The following CSMD1 variants were observed in gnomAD, a reference collection of about 807,000 sequenced individuals.
The protein encoded by CSMD1 is CUB and sushi domain-containing protein 1.
Under a neutral mutation model 417.5 loss-of-function variants are expected in CSMD1, and 213 were observed. The observed-to-expected ratio is 0.51, with a 90% confidence interval of 0.46 to 0.57. The LOEUF is 0.57. Ranked by LOEUF, CSMD1 falls within the 20% of genes least tolerant of loss-of-function variation. The pLI is 0.00. For synonymous variants in CSMD1, 2,862 were observed against 1,736.8 expected, an observed-to-expected ratio of 1.65 and a Z score of -16.11; for missense variants, 6,923 against 4,529.7, an observed-to-expected ratio of 1.53 and a Z score of -15.17.
intron 3 of CSMD1, among the ~76,000 whole-genome samples, chr8:4,184,841 A>G (rs1388860715): frequency 1.3e-5 from 2 of 152,066 alleles, no homozygotes; most frequent in African/African-American, 4.8e-5. Flanking sequence ...TGAATTTAAA[A>G]TACCCCAACA....
At chr8:3,443,879 C>G (rs1384130726) in intron 12 of CSMD1, among the ~76,000 whole-genome samples, 1 of 152,104 alleles carries the variant, frequency 6.6e-6, no homozygotes, top group African/African-American at 2.4e-5. Context: ...AAATTTTTCA[C>G]GTCTGTGTTG....
intron 54 of CSMD1, among the ~76,000 whole-genome samples, chr8:2,996,739 G>A (rs975312524): frequency 6.6e-6 from 1 of 152,150 alleles, no homozygotes; most frequent in Non-Finnish European, 1.5e-5. Flanking sequence ...CTTATTTCTC[G>A]TGATTGTGAA....
At chr8:3,861,735 A>G (rs996167393) in intron 5 of CSMD1, among the ~76,000 whole-genome samples, 1 of 152,170 alleles carries the variant, frequency 6.6e-6, no homozygotes, top group African/African-American at 2.4e-5. Flanking sequence ...TCTGCTATAA[A>G]GATTTTACCA....
intron 2 of CSMD1, among the ~76,000 whole-genome samples, chr8:4,553,312 T>C (rs916725314): frequency 1.3e-5 from 2 of 152,210 alleles, no homozygotes; most frequent in Non-Finnish European, 2.9e-5. Flanking sequence ...CAGCTCTGGG[T>C]AAAAGTGCTT....
intron 1 of CSMD1, among the ~76,000 whole-genome samples, chr8:4,718,719 G>C (rs1456592929): frequency 2.6e-5 from 4 of 151,788 alleles, no homozygotes; most frequent in Non-Finnish European, 4.4e-5. Flanking sequence ...TATCATAAAA[G>C]ACTAGTTTTT....
intron 3 of CSMD1, among the ~76,000 whole-genome samples, chr8:4,298,071 C>A (rs11774472): frequency 2.6e-5 from 4 of 152,078 alleles, no homozygotes; most frequent in Non-Finnish European, 5.9e-5. Flanking sequence ...ATGCTAGCGT[C>A]TCTCTGGTGA....
At chr8:3,525,091 ATT>A (rs1797700098) in intron 10 of CSMD1, among the ~76,000 whole-genome samples, 1 of 152,062 alleles carries the variant, frequency 6.6e-6, no homozygotes, top group Non-Finnish European at 1.5e-5. Context: ...TGAATCTCTT[ATT>A]TTTCAAGCTC....
At chr8:3,443,166 C>G (rs1815098107) in intron 12 of CSMD1, among the ~76,000 whole-genome samples, 1 of 152,150 alleles carries the variant, frequency 6.6e-6, no homozygotes, top group South Asian at 2.1e-4. Flanking sequence ...GTGTCACCTT[C>G]TGCTGCAAAA....
Position 3,530,783 on chromosome 8 carries a change from C to T in CSMD1, c.1345-37057G>A, listed in dbSNP as rs965015461. ...ACCTCAGGTGATTCTCCTGCCTTGG[C>T]CTCCCAAAGTGCTACTATTACAGGC... On this transcript the variant is annotated intron_variant, in intron 10 of 69. Transcript: ENST00000635120. Among the ~76,000 whole-genome samples, 3 of 152,000 alleles carry T rather than the reference C, an allele frequency of 2.0e-5. 1 individual carries two copies. The highest frequency in any genetic ancestry group is 6.6e-5 in the Admixed American group (1 of 15,246).
intron 3 of CSMD1, among the ~76,000 whole-genome samples, chr8:4,178,532 G>T (rs1204496909): frequency 1.3e-5 from 2 of 151,142 alleles, no homozygotes; most frequent in African/African-American, 4.9e-5. Flanking sequence ...AGACAGGGAT[G>T]CCCTCTCTCA....
At chr8:3,944,115 A>G (rs1254403561) in intron 5 of CSMD1, among the ~76,000 whole-genome samples, 1 of 152,178 alleles carries the variant, frequency 6.6e-6, no homozygotes, top group Non-Finnish European at 1.5e-5. Flanking sequence ...GTGATAAAAT[A>G]TTAATATTTG....
chr8:4,305,827 C>G (rs1798212104), intron 3 of CSMD1, among the ~76,000 whole-genome samples: 1 of 152,170 alleles, frequency 6.6e-6, no homozygotes, highest in Non-Finnish European at 1.5e-5. Flanking sequence ...ACCTCTCATA[C>G]TGTAACTTGC....
rs187483345 is a variant in CSMD1, at chr8:4,685,210, C to T, written c.86-47652G>A. On this transcript the variant is annotated intron_variant, in intron 1 of 69. Coordinates refer to ENST00000635120, the MANE Select transcript of CSMD1 (RefSeq NM_033225.6). ...AGGAATCTCAAATGAGAATAATGGC[C>T]GTAAACAAAGTGCTGCATGGGAGAA... 2.6e-3 allele frequency among the ~76,000 whole-genome samples: 392 copies of T among 152,228 alleles called. 5 individuals are homozygous for T. Among genetic ancestry groups the T allele is most frequent in the African/African-American group, 9.1e-3 (379 of 41,536 alleles).
At chr8:3,244,405 C>T (rs912006949) in intron 26 of CSMD1, among the ~76,000 whole-genome samples, 6 of 152,084 alleles carry the variant, frequency 3.9e-5, no homozygotes, top group African/African-American at 1.4e-4. Flanking sequence ...GAGCAATCTG[C>T]TTTTGTTTAA....
rs535715384 is a variant in CSMD1 at position 4,404,906 on chromosome 8, C to G, written c.415+15047G>C. On this transcript the variant is annotated intron_variant, in intron 3 of 69. Transcript: ENST00000635120. Reference sequence around the variant, plus strand: ...ATTTATTTCGCTCATTGAATTTTTCCAAAAAGCCTATGATGTCAGTCATCC... The same window carrying G: ...ATTTATTTCGCTCATTGAATTTTTCGAAAAAGCCTATGATGTCAGTCATCC... Among the ~76,000 whole-genome samples the G allele has an allele frequency of 1.4e-3, 206 of 152,228 alleles. 1 individual carries two copies. Among genetic ancestry groups the G allele is most frequent in the South Asian group, 4.1e-3 (20 of 4,820 alleles).
At chr8:3,191,793 C>T (rs2129051376) in intron 33 of CSMD1, among the ~76,000 whole-genome samples, 1 of 152,232 alleles carries the variant, frequency 6.6e-6, no homozygotes, top group East Asian at 1.9e-4. Flanking sequence ...TAGTTATGCC[C>T]TTTGAAATTT....
chr8:4,006,697 G>A (rs1487323655), intron 4 of CSMD1, among the ~76,000 whole-genome samples: 2 of 152,100 alleles, frequency 1.3e-5, no homozygotes, highest in Non-Finnish European at 2.9e-5. Context: ...AGATGGCAAT[G>A]TCAGAATATC....
intron 26 of CSMD1, among the ~76,000 whole-genome samples, chr8:3,281,467 C>G (rs1004236698): frequency 1.3e-5 from 2 of 152,056 alleles, no homozygotes; most frequent in Non-Finnish European, 2.9e-5. Context: ...GGTAAATAAA[C>G]TGTGGTACAA....
At chr8:3,444,621 C>G (rs1036189044) in intron 12 of CSMD1, among the ~76,000 whole-genome samples, 2 of 152,096 alleles carry the variant, frequency 1.3e-5, no homozygotes, top group African/African-American at 4.8e-5. Context: ...CCTACAGTCA[C>G]AGGACCGTCC....
Sources: gnomAD v4.1 joint callset for allele counts (sites outside exome capture counted in the v4.1 genomes callset) on GRCh38, gnomAD v4.1.1 for gene constraint, MANE v1.5 for transcripts, NCBI Gene and HGNC (gene_info 2026-07-23, HGNC 2026-07-21) for gene names.